Variants in CEP120 observed in about 807,000 individuals in gnomAD.
CEP120 encodes centrosomal protein of 120 kDa.
A neutral mutation model predicts 126.5 loss-of-function variants in CEP120; 113 were observed. The ratio of observed to expected loss-of-function variants is 0.89; its 90% confidence interval spans 0.77 to 1.04. CEP120 has a LOEUF of 1.04. CEP120 is among the 50% of genes least tolerant of loss of function. CEP120 has a pLI of 0.00. For missense variants in CEP120, 1,230 were observed against 1,155.7 expected, an observed-to-expected ratio of 1.06 and a Z score of -0.93; for synonymous variants, 400 against 394.3, an observed-to-expected ratio of 1.01 and a Z score of -0.17.
intron 18 of CEP120, among the ~76,000 whole-genome samples, chr5:123,353,424 T>A (rs1769343076): frequency 6.6e-6 from 1 of 151,898 alleles, no homozygotes; most frequent in South Asian, 2.1e-4. Flanking sequence ...TTTAATATCT[T>A]AAACTTGTAT....
intron 18 of CEP120, among the ~76,000 whole-genome samples, chr5:123,350,866 A>C (rs1769155624): frequency 6.6e-6 from 1 of 152,198 alleles, no homozygotes; most frequent in Non-Finnish European, 1.5e-5. Flanking sequence ...CACATAATGG[A>C]TATTCCATGA....
At chr5:123,390,220 TA>T in intron 7 of CEP120, 80 bp from the exon 8 acceptor site, 1 of 1,035,160 alleles carries the variant, frequency 9.7e-7, no homozygotes, top group Non-Finnish European at 1.4e-6. Context: ...CATTGTTTTT[TA>T]AAAATATAAG....
chr5:123,395,815 G>A (rs924521191), intron 5 of CEP120, among the ~76,000 whole-genome samples: 4 of 151,248 alleles, frequency 2.6e-5, no homozygotes, highest in Admixed American at 1.3e-4. Flanking sequence ...CCAAGTACCT[G>A]GGACTACAGG....
chr5:123,379,368 G>C (rs1771486242), intron 14 of CEP120, among the ~76,000 whole-genome samples: 1 of 151,962 alleles, frequency 6.6e-6, no homozygotes, highest in Non-Finnish European at 1.5e-5. Flanking sequence ...TCTAGCCACT[G>C]TACCTCCATC....
rs768112055 is a variant in CEP120, at chr5:123,346,687, G to C, written c.2793C>G (p.Gly931=). Residue 931 remains glycine, a synonymous_variant, in exon 20 of 20, where the codon GGC becomes GGG. Transcript: ENST00000306467. ...STEIASGKKD[G]PHGSVLEEGL... ...CTTCTTCCAATACACTGCCATGGGG[G>C]CCATCCTTTTTTCCACTTGCAATCT... is the stretch of plus-strand genomic sequence containing the variant. 6.2e-7 allele frequency: 1 copy of C among 1,613,122 alleles called. No individual in the cohort carries two copies. The highest frequency in any genetic ancestry group is 8.5e-7 in the Non-Finnish European group (1 of 1,179,798).
intron 19 of CEP120, 70 bp downstream of exon 19, chr5:123,349,874 G>T: frequency 8.1e-7 from 1 of 1,241,644 alleles, no homozygotes; most frequent in Non-Finnish European, 1.1e-6. Flanking sequence ...TTTATCCTTG[G>T]GAGACCTCAA....
chr5:123,386,478 CTT>C (rs777882027), intron 10 of CEP120, 38 bp downstream of exon 10: 3 of 1,309,592 alleles, frequency 2.3e-6, no homozygotes, highest in East Asian at 5.6e-5. Context: ...CAAGAATTGA[CTT>C]AAATTAATTA....
chr5:123,356,546 C>T (rs1251669675), intron 18 of CEP120, among the ~76,000 whole-genome samples: 1 of 151,970 alleles, frequency 6.6e-6, no homozygotes, highest in African/African-American at 2.4e-5. Context: ...TAAATCTTTC[C>T]ATCTTATGAT....
At position 123,353,177 on chromosome 5, in the gene CEP120, G is replaced by A. The variant is rs532954208; in HGVS notation, c.2581-3088C>T. ...GAAAAGAAACGGTAATAGAGGGAAG[G>A]TTTCTCTCATTTCTGATCTCAGAAG... On this transcript the variant is annotated intron_variant, in intron 18 of 19. Coordinates refer to ENST00000306467, the MANE Select transcript of CEP120 (RefSeq NM_001375405.1). 2.7e-3 allele frequency among the ~76,000 whole-genome samples: 403 copies of A among 151,992 alleles called. 3 individuals are homozygous for A. Among genetic ancestry groups the A allele is most frequent in the African/African-American group, 9.4e-3 (389 of 41,524 alleles).
chr5:123,423,229 A>T lies in CEP120; in HGVS notation c.-231T>A. ...TGTGCCCCGACTCAAGGAAAAAGCCACGCTGCAGCCCTGCCAGTCTGCAAG... is the reference window on the plus strand; with the variant it reads ...TGTGCCCCGACTCAAGGAAAAAGCCTCGCTGCAGCCCTGCCAGTCTGCAAG... On this transcript the variant is annotated 5_prime_UTR_variant, in exon 1 of 20. Coordinates refer to ENST00000306467, the MANE Select transcript of CEP120 (RefSeq NM_001375405.1). The T allele has an allele frequency of 1.8e-6, 1 of 561,970 alleles. No individual in the cohort carries two copies. 34.8% of individuals were successfully genotyped at this position (561,970 alleles called of 1,614,324 possible). A position where few individuals can be genotyped will look rare whatever the true frequency, so the allele number is the denominator to read the frequency against.
intron 12 of CEP120, 24 bp from the exon 13 acceptor site, chr5:123,382,913 A>AT (rs753651106): frequency 1.9e-6 from 3 of 1,611,250 alleles, no homozygotes; most frequent in Non-Finnish European, 2.5e-6. Flanking sequence ...CAAAAAGTAC[A>AT]TTTAAACACT....
chr5:123,359,040 A>G (rs936701534), intron 18 of CEP120, among the ~76,000 whole-genome samples: 3 of 152,086 alleles, frequency 2.0e-5, no homozygotes, highest in Non-Finnish European at 2.9e-5. Flanking sequence ...TGGACCTCCA[A>G]CTGTTTTCTT....
intron 4 of CEP120, among the ~76,000 whole-genome samples, chr5:123,411,404 C>A (rs1423804019): frequency 6.6e-6 from 1 of 152,116 alleles, no homozygotes; most frequent in African/African-American, 2.4e-5. Flanking sequence ...GTTTACAGTA[C>A]CTTTATTTAT....
rs1011964090 is a variant in CEP120, at chr5:123,364,486, A to G, written c.2580+10T>C. The stretch of plus-strand genomic sequence containing the variant: ...AAAGATATAAAAAGAATAAGCTATA[A>G]ACTACATACCTGTTTAAGTCTGGCA... On this transcript the variant is annotated intron_variant, in intron 18 of 19. Coordinates refer to ENST00000306467, the MANE Select transcript of CEP120 (RefSeq NM_001375405.1). 20 of 1,570,372 alleles carry G rather than the reference A, an allele frequency of 1.3e-5. No individual in the cohort carries two copies. The highest frequency in any genetic ancestry group is 3.4e-4 in the Middle Eastern group (2 of 5,916).
intron 4 of CEP120, 94 bp downstream of exon 4, chr5:123,412,305 C>T: frequency 8.5e-7 from 1 of 1,178,110 alleles, no homozygotes; most frequent in Non-Finnish European, 1.2e-6. Context: ...CAGTTTACAC[C>T]CTGCATATAT....
intron 9 of CEP120, 74 bp from the exon 10 acceptor site, chr5:123,386,741 T>A: frequency 1.8e-6 from 2 of 1,139,894 alleles, no homozygotes; most frequent in East Asian, 6.0e-5. Context: ...GTCTGTTTTT[T>A]AGAAAAAAGT....
intron 18 of CEP120, among the ~76,000 whole-genome samples, chr5:123,357,289 A>G (rs370118776): frequency 4.3e-4 from 65 of 152,144 alleles, no homozygotes; most frequent in African/African-American, 1.5e-3. Context: ...CTTGCAGTTC[A>G]TAGATATTTT....
intron 18 of CEP120, among the ~76,000 whole-genome samples, chr5:123,352,067 C>T (rs1028430243): frequency 3.3e-5 from 5 of 152,126 alleles, no homozygotes. Flanking sequence ...AGGTTGAACA[C>T]GTTTCAATAG....
intron 4 of CEP120, chr5:123,402,481 G>A (rs1381299131): frequency 1.0e-5 from 6 of 592,526 alleles, no homozygotes; most frequent in Non-Finnish European, 1.3e-5. Context: ...GTGGATCTCG[G>A]CTTACTGCAA....
Sources: allele counts gnomAD v4.1 joint callset (sites outside exome capture counted in the v4.1 genomes callset), GRCh38; gene constraint gnomAD v4.1.1; transcripts MANE v1.5; gene names NCBI Gene and HGNC (gene_info 2026-07-23, HGNC 2026-07-21).